FAM227B: variants seen among roughly 807,000 people sequenced by gnomAD.
FAM227B encodes protein FAM227B.
In FAM227B, 88 loss-of-function variants were observed where a neutral mutation model predicts 73.8. The ratio of observed to expected loss-of-function variants is 1.19; its 90% CI spans 1.00 to 1.42. The LOEUF (loss-of-function observed/expected upper bound fraction) is 1.42. FAM227B is among the 40% of genes most tolerant of loss of function. The pLI is 0.00. For missense variants in FAM227B, 632 were observed against 590.9 expected, an observed-to-expected ratio of 1.07 and a Z score of -0.72; for synonymous variants, 210 against 190.5, an observed-to-expected ratio of 1.10 and a Z score of -0.84.
chr15:49,386,362 T>C (rs1412655701), intron 11 of FAM227B, among the ~76,000 whole-genome samples: 7 of 151,702 alleles, frequency 4.6e-5, no homozygotes, highest in Non-Finnish European at 8.9e-5. Context: ...CTCAAAACTA[T>C]ACAAATACAT....
chr15:49,507,085 C>T (rs7178194), intron 11 of FAM227B, among the ~76,000 whole-genome samples: 49,326 of 151,174 alleles, frequency 0.33, 8,766 homozygotes, highest in African/African-American at 0.46. Flanking sequence ...AGAAATAGCC[C>T]CCCACCCCCC....
At chr15:49,384,065 C>T (rs1014620819) in intron 11 of FAM227B, among the ~76,000 whole-genome samples, 1 of 152,064 alleles carries the variant, frequency 6.6e-6, no homozygotes, top group Non-Finnish European at 1.5e-5. Context: ...CTCAACATTC[C>T]TCTTTGCCAT....
rs9672599 is a variant in FAM227B, at chr15:49,614,517, C to T, written c.51+604G>A. On this transcript the variant is annotated intron_variant, in intron 2 of 15. Transcript: ENST00000299338. ...TGTGCAACTGCAGAAGTTGTAAACC[C>T]ATGAAGCTAAAAACAAGCCTAACTG... Among the ~76,000 whole-genome samples, 1,185 of 152,254 alleles carry T rather than the reference C, an allele frequency of 7.8e-3. 18 individuals are homozygous for T. Among genetic ancestry groups the T allele is most frequent in the African/African-American group, 0.027 (1,119 of 41,544 alleles).
At chr15:49,345,527 A>G (rs1263715861) in intron 13 of FAM227B, among the ~76,000 whole-genome samples, 2 of 152,222 alleles carry the variant, frequency 1.3e-5, no homozygotes, top group African/African-American at 2.4e-5. Flanking sequence ...ATAAAACAGA[A>G]TACTTAGACC....
chr15:49,354,004 T>C (rs1218361687), intron 13 of FAM227B: 2 of 152,226 alleles, frequency 1.3e-5, no homozygotes, highest in Admixed American at 6.5e-5. Flanking sequence ...ATATAAATAA[T>C]GGTAAAAAGA....
At chr15:49,428,834 T>C (rs948290189) in intron 11 of FAM227B, among the ~76,000 whole-genome samples, 22 of 152,154 alleles carry the variant, frequency 1.4e-4, no homozygotes, top group Middle Eastern at 3.4e-3. Flanking sequence ...GGGTTAGCCA[T>C]TCTGAAAACT....
At chr15:49,576,566 T>C (rs1362875179) in intron 7 of FAM227B, 175 bp downstream of exon 7, 3 of 551,530 alleles carry the variant, frequency 5.4e-6, no homozygotes, top group Admixed American at 6.4e-5. Context: ...GAGTTTAATA[T>C]ATTCTTTTCT....
intron 3 of FAM227B, among the ~76,000 whole-genome samples, chr15:49,604,202 T>C (rs1436473428): frequency 6.6e-6 from 1 of 152,228 alleles, no homozygotes; most frequent in African/African-American, 2.4e-5. Flanking sequence ...TTTTATATTG[T>C]TAGTGTTCTT....
rs545777894 is a variant in FAM227B, at chr15:49,481,220, C to T, written c.1012+26991G>A. On this transcript the variant is annotated intron_variant, in intron 11 of 15. Transcript: ENST00000299338. ...TATTAGGTTGGTGCAAAGGTAATTA[C>T]AGTTTTTGTCATAAAAGTAATGGCA... Among the ~76,000 whole-genome samples the T allele has an allele frequency of 8.8e-4, 134 of 152,294 alleles. 5 individuals carry two copies. In the South Asian group the frequency reaches 0.027, roughly 30 times the overall value.
chr15:49,328,165 TGTAAAAA>T lies in FAM227B; in HGVS notation c.*396_*402del, dbSNP rs752730802. 3.3e-5 allele frequency: 53 copies of T among 1,611,058 alleles called. No individual in the cohort carries two copies. Among genetic ancestry groups the T allele is most frequent in the Non-Finnish European group, 4.4e-5 (52 of 1,178,482 alleles). ...TGGTTTTGCTTGAGGCCTGAAAAAA[TGTAAAAA>T]GTCTGAGAGAAACTACTTAGGGCAC... On this transcript the variant is annotated 3_prime_UTR_variant, in exon 16 of 16. Coordinates refer to ENST00000299338, the MANE Select transcript of FAM227B (RefSeq NM_152647.3).
intron 13 of FAM227B, among the ~76,000 whole-genome samples, chr15:49,357,036 C>A (rs1189508731): frequency 3.3e-5 from 5 of 151,070 alleles, no homozygotes; most frequent in Non-Finnish European, 1.5e-5. Flanking sequence ...TTGAAACCAA[C>A]GAGAACAAAG....
At chr15:49,538,732 T>A (rs1857992) in intron 10 of FAM227B, among the ~76,000 whole-genome samples, 41,836 of 151,666 alleles carry the variant, frequency 0.28, 5,984 homozygotes, top group East Asian at 0.38. Flanking sequence ...TGATCAAGTC[T>A]GCTGTTGACA....
chr15:49,580,308 G>A (rs563381511), intron 5 of FAM227B, among the ~76,000 whole-genome samples: 1 of 152,124 alleles, frequency 6.6e-6, no homozygotes, highest in Non-Finnish European at 1.5e-5. Context: ...TTGGCTGAGC[G>A]AGTGCCCAGC....
intron 11 of FAM227B, among the ~76,000 whole-genome samples, chr15:49,444,477 G>C (rs1217856865): frequency 6.6e-6 from 1 of 151,694 alleles, no homozygotes; most frequent in Non-Finnish European, 1.5e-5. Flanking sequence ...AGTAGACAAA[G>C]AAATAACATT....
intron 13 of FAM227B, among the ~76,000 whole-genome samples, chr15:49,338,257 G>A (rs924813725): frequency 7.2e-5 from 11 of 152,176 alleles, no homozygotes; most frequent in African/African-American, 2.2e-4. Flanking sequence ...TGTTTTTGCA[G>A]TGCCTGGTAC....
At chr15:49,332,832 C>T (rs2039040726) in intron 14 of FAM227B, among the ~76,000 whole-genome samples, 1 of 152,156 alleles carries the variant, frequency 6.6e-6, no homozygotes, top group South Asian at 2.1e-4. Flanking sequence ...GACTAGTGCA[C>T]CCCTGAAGGC....
chr15:49,395,117 ATACT>A (rs2047484328), intron 11 of FAM227B, among the ~76,000 whole-genome samples: 2 of 152,186 alleles, frequency 1.3e-5, no homozygotes, highest in African/African-American at 4.8e-5. Context: ...ACACATATTA[ATACT>A]TACCAATGTC....
intron 11 of FAM227B, among the ~76,000 whole-genome samples, chr15:49,415,423 T>C (rs1463554769): frequency 6.6e-6 from 1 of 152,126 alleles, no homozygotes; most frequent in African/African-American, 2.4e-5. Context: ...CTCAAGGAAA[T>C]TGATTGTTTC....
chr15:49,557,170 G>A (rs1268755950), intron 9 of FAM227B, among the ~76,000 whole-genome samples: 1 of 152,084 alleles, frequency 6.6e-6, no homozygotes, highest in Non-Finnish European at 1.5e-5. Context: ...CAGTCCCTTG[G>A]TAGCAGATAT....
Sources: allele counts gnomAD v4.1 joint callset (sites outside exome capture counted in the v4.1 genomes callset), GRCh38; gene constraint gnomAD v4.1.1; transcripts MANE v1.5; gene names NCBI Gene and HGNC (gene_info 2026-07-23, HGNC 2026-07-21).